GUCY1A2: variants seen among roughly 807,000 people sequenced by gnomAD.
GUCY1A2 encodes the protein guanylate cyclase 1 soluble subunit alpha 2, also known as guanylate cyclase soluble subunit alpha-2.
GUCY1A2 carries 27 observed loss-of-function variants against 63.5 expected under a neutral mutation model. That is an observed-to-expected ratio of 0.43 (90% CI 0.31 to 0.59). The LOEUF is 0.59. Ranked by LOEUF, GUCY1A2 falls within the 20% of genes least tolerant of loss-of-function variation. The pLI is 0.11. For missense variants in GUCY1A2, 768 were observed against 913.3 expected (o/e 0.84, Z 2.05); for synonymous variants, 364 against 343.5 (o/e 1.06, Z -0.66).
intron 4 of GUCY1A2, among the ~76,000 whole-genome samples, chr11:106,894,793 A>G (rs1368721440): frequency 6.6e-6 from 1 of 152,156 alleles, no homozygotes; most frequent in East Asian, 1.9e-4. Context: ...CACTGAATGC[A>G]TATATAAGGA....
At chr11:106,844,512 G>A (rs963084252) in intron 4 of GUCY1A2, among the ~76,000 whole-genome samples, 3 of 151,354 alleles carry the variant, frequency 2.0e-5, no homozygotes, top group African/African-American at 7.3e-5. Flanking sequence ...GACAAAGTTG[G>A]GTTTATTATT....
chr11:106,976,507 T>C (rs1283752121), intron 3 of GUCY1A2, among the ~76,000 whole-genome samples: 1 of 152,302 alleles, frequency 6.6e-6, no homozygotes, highest in African/African-American at 2.4e-5. Flanking sequence ...TTATTGAATA[T>C]GACCGCTAAC....
At chr11:106,883,135 C>T (rs1591313137) in intron 4 of GUCY1A2, among the ~76,000 whole-genome samples, 1 of 152,036 alleles carries the variant, frequency 6.6e-6, no homozygotes, top group Non-Finnish European at 1.5e-5. Flanking sequence ...AATAACACTA[C>T]TGAACCACTT....
At chr11:106,887,390 A>G (rs191111472) in intron 4 of GUCY1A2, among the ~76,000 whole-genome samples, 1 of 152,238 alleles carries the variant, frequency 6.6e-6, no homozygotes, top group Admixed American at 6.5e-5. Flanking sequence ...GAGTTTCTTG[A>G]CTTCATTTAT....
intron 6 of GUCY1A2, among the ~76,000 whole-genome samples, chr11:106,743,768 A>G (rs1471461241): frequency 1.3e-5 from 2 of 152,232 alleles, no homozygotes; most frequent in Non-Finnish European, 2.9e-5. Context: ...TTATTTGCAT[A>G]ATATAGAATG....
At chr11:106,730,120 T>G (rs1456294340) in intron 6 of GUCY1A2, among the ~76,000 whole-genome samples, 2 of 144,088 alleles carry the variant, frequency 1.4e-5, no homozygotes, top group East Asian at 4.0e-4. Context: ...TATACTGTTT[T>G]TAAAACTTTT....
intron 5 of GUCY1A2, among the ~76,000 whole-genome samples, chr11:106,797,059 G>C (rs1864776752): frequency 6.6e-6 from 1 of 152,006 alleles, no homozygotes; most frequent in Non-Finnish European, 1.5e-5. Flanking sequence ...TCTTCCAGTT[G>C]ATCAAATTGG....
At chr11:106,869,717 A>T (rs1406700303) in intron 4 of GUCY1A2, among the ~76,000 whole-genome samples, 1 of 152,204 alleles carries the variant, frequency 6.6e-6, no homozygotes, top group Non-Finnish European at 1.5e-5. Context: ...AGGGATCTAG[A>T]GCTAGAAATA....
At chr11:106,960,571 T>G (rs1348091777) in intron 3 of GUCY1A2, among the ~76,000 whole-genome samples, 1 of 152,216 alleles carries the variant, frequency 6.6e-6, no homozygotes, top group Non-Finnish European at 1.5e-5. Flanking sequence ...GATATTTGAA[T>G]GAATAAATGC....
In GUCY1A2 at chr11:106,680,378, G is replaced by A. The variant is rs1277410594; in HGVS notation, c.*7171C>T. On this transcript the variant is annotated 3_prime_UTR_variant, in exon 8 of 8. Transcript: ENST00000526355. ...AAATAGCAAAAAGTCCACAGAAGAA[G>A]ACTGAATATAAAGTGATTTCTTCAG... 9.5e-6 allele frequency: 2 copies of A among 209,848 alleles called. No homozygotes were observed. Among genetic ancestry groups the A allele is most frequent in the Non-Finnish European group, 1.9e-5 (2 of 103,278 alleles). 13.0% of individuals were successfully genotyped at this position (209,848 alleles called of 1,614,324 possible).
At chr11:106,908,035 C>G (rs1450865377) in intron 4 of GUCY1A2, among the ~76,000 whole-genome samples, 2 of 152,018 alleles carry the variant, frequency 1.3e-5, no homozygotes, top group African/African-American at 2.4e-5. Context: ...ATAACAGAAA[C>G]TTCAGTGTTA....
chr11:106,885,970 A>C (rs10749881), intron 4 of GUCY1A2, among the ~76,000 whole-genome samples: 105,734 of 151,898 alleles, frequency 0.7, 37,296 homozygotes, highest in Non-Finnish European at 0.76. Flanking sequence ...GAGACAAAGA[A>C]AGAGAAAAAG....
intron 5 of GUCY1A2, among the ~76,000 whole-genome samples, chr11:106,805,390 C>A (rs2135421427): frequency 6.6e-6 from 1 of 152,198 alleles, no homozygotes; most frequent in African/African-American, 2.4e-5. Context: ...GGATTACAGG[C>A]ACCCACCACC....
chr11:106,894,130 T>C (rs556361388), intron 4 of GUCY1A2, among the ~76,000 whole-genome samples: 50 of 152,202 alleles, frequency 3.3e-4, no homozygotes, highest in Non-Finnish European at 6.5e-4. Flanking sequence ...TCCAATCAAC[T>C]CTAGCCTTCC....
At chr11:106,710,313 G>A (rs1190327093) in intron 6 of GUCY1A2, among the ~76,000 whole-genome samples, 1 of 8,570 alleles carries the variant, frequency 1.2e-4, no homozygotes, top group Non-Finnish European at 1.8e-4. Context: ...TTATATACAT[G>A]TATATAATAT....
At chr11:106,829,722 T>C (rs1486742270) in intron 4 of GUCY1A2, among the ~76,000 whole-genome samples, 4 of 152,120 alleles carry the variant, frequency 2.6e-5, no homozygotes, top group Admixed American at 2.6e-4. Context: ...ACCTGGACTA[T>C]CAAGATGAAA....
chr11:106,718,493 C>T (rs1348152145), intron 6 of GUCY1A2, among the ~76,000 whole-genome samples: 1 of 152,060 alleles, frequency 6.6e-6, no homozygotes, highest in African/African-American at 2.4e-5. Flanking sequence ...CACTTTCTCA[C>T]AGGGCACTCA....
chr11:106,868,674 C>A (rs1426219039), intron 4 of GUCY1A2, among the ~76,000 whole-genome samples: 4 of 151,938 alleles, frequency 2.6e-5, no homozygotes, highest in East Asian at 1.9e-4. Flanking sequence ...GAAAATGGCC[C>A]TACTGCCCAA....
intron 4 of GUCY1A2, among the ~76,000 whole-genome samples, chr11:106,930,217 G>GC (rs1208152805): frequency 6.6e-6 from 1 of 152,142 alleles, no homozygotes; most frequent in East Asian, 1.9e-4. Flanking sequence ...AACAAGAGAG[G>GC]CCCACTGACT....
Sources: allele counts gnomAD v4.1 joint callset (sites outside exome capture counted in the v4.1 genomes callset), GRCh38; gene constraint gnomAD v4.1.1; transcripts MANE v1.5; gene names NCBI Gene and HGNC (gene_info 2026-07-23, HGNC 2026-07-21).